The following ADAMTSL1 variants were observed in gnomAD, a reference collection of about 807,000 sequenced individuals.
The protein encoded by ADAMTSL1 is ADAMTS-like protein 1.
In ADAMTSL1, 126 loss-of-function variants were observed where a neutral mutation model predicts 201.8. The observed-to-expected ratio is 0.62, with a 90% CI of 0.54 to 0.72. ADAMTSL1 has a LOEUF of 0.72. Among genes scored for constraint, ADAMTSL1 ranks in the 30% least tolerant of loss-of-function variants. ADAMTSL1 has a pLI of 0.00. For synonymous variants in ADAMTSL1, 1,121 were observed against 903.4 expected, an observed-to-expected ratio of 1.24 and a Z score of -4.32; for missense variants, 2,679 against 2,277.8, an observed-to-expected ratio of 1.18 and a Z score of -3.59.
chr9:18,758,899 A>G (rs1021489060), intron 16 of ADAMTSL1, among the ~76,000 whole-genome samples: 2 of 152,170 alleles, frequency 1.3e-5, no homozygotes, highest in African/African-American at 4.8e-5. Context: ...GTCTTCCACT[A>G]CCCTTTTGCC....
At chr9:18,311,727 G>A (rs1834165320) in intron 2 of ADAMTSL1, among the ~76,000 whole-genome samples, 1 of 152,188 alleles carries the variant, frequency 6.6e-6, no homozygotes, top group Non-Finnish European at 1.5e-5. Flanking sequence ...TATTGACAAG[G>A]AGGCAGTCAG....
chr9:18,782,101 C>T (rs1304396374), intron 19 of ADAMTSL1, among the ~76,000 whole-genome samples: 1 of 152,138 alleles, frequency 6.6e-6, no homozygotes, highest in East Asian at 1.9e-4. Flanking sequence ...ATTCTGCAAA[C>T]AATCTCATGC....
In ADAMTSL1 at chr9:18,189,226, G is replaced by A. The variant is rs146021024; in HGVS notation, c.207+25245G>A. 2.4e-4 allele frequency among the ~76,000 whole-genome samples: 36 copies of A among 152,262 alleles called. No homozygotes were observed. In the East Asian group the frequency reaches 6.7e-3, roughly 29 times the overall value. On this transcript the variant is annotated intron_variant, in intron 2 of 29. Coordinates refer to the ADAMTSL1 transcript ENST00000680146. ...GGAGCTGGGGAGTGAGGGGATGCATGAGAACATTGTTCTAATTGAGATCGT... is the reference window on the plus strand; with the variant it reads ...GGAGCTGGGGAGTGAGGGGATGCATAAGAACATTGTTCTAATTGAGATCGT...
chr9:18,719,978 C>G lies in ADAMTSL1; in HGVS notation c.1877-1558C>G, dbSNP rs73435541. Among the ~76,000 whole-genome samples the G allele has an allele frequency of 7.7e-3, 1,171 of 152,304 alleles. 15 individuals are homozygous for G. The highest frequency in any genetic ancestry group is 0.027 in the African/African-American group (1,118 of 41,566). Reference sequence around the variant, plus strand: ...TGCTAATTACATGGATAGTCCCAGACTCTACTATAACTATATATAAATGTC... The same window carrying G: ...TGCTAATTACATGGATAGTCCCAGAGTCTACTATAACTATATATAAATGTC... On this transcript the variant is annotated intron_variant, in intron 14 of 28. Coordinates refer to ENST00000380548, the MANE Select transcript of ADAMTSL1 (RefSeq NM_001040272.6).
chr9:18,282,703 G>C (rs1300251326), intron 2 of ADAMTSL1, among the ~76,000 whole-genome samples: 1 of 152,172 alleles, frequency 6.6e-6, no homozygotes, highest in Non-Finnish European at 1.5e-5. Flanking sequence ...TTCAACACCA[G>C]CCTGACCAAC....
intron 22 of ADAMTSL1, among the ~76,000 whole-genome samples, chr9:18,827,363 C>G (rs1824643361): frequency 6.6e-6 from 1 of 151,932 alleles, no homozygotes; most frequent in Non-Finnish European, 1.5e-5. Context: ...AATATTTAAA[C>G]TTTACACTTC....
At chr9:18,151,910 C>G (rs535002843) in intron 1 of ADAMTSL1, among the ~76,000 whole-genome samples, 1 of 152,140 alleles carries the variant, frequency 6.6e-6, no homozygotes, top group Admixed American at 6.6e-5. Context: ...AATGTCCACA[C>G]ACTTTGTCAG....
Position 18,320,976 on chromosome 9 carries a change from A to G in ADAMTSL1, c.207+156995A>G, listed in dbSNP as rs1374492771. On this transcript the variant is annotated intron_variant, in intron 2 of 29. Transcript: ENST00000680146. ...ATAACAAAATAATAGATATAAATATAACTGTATTACTAATTATATTAAATA... is the reference window on the plus strand; with the variant it reads ...ATAACAAAATAATAGATATAAATATGACTGTATTACTAATTATATTAAATA... 2.0e-5 allele frequency among the ~76,000 whole-genome samples: 3 copies of G among 152,098 alleles called. No individual in the cohort carries two copies. The East Asian group carries it at 5.8e-4, about 29-fold the overall frequency.
At chr9:18,048,289 A>T (rs1412499600) in intron 1 of ADAMTSL1, among the ~76,000 whole-genome samples, 1 of 152,160 alleles carries the variant, frequency 6.6e-6, no homozygotes, top group Non-Finnish European at 1.5e-5. Flanking sequence ...TGTTTCCTTT[A>T]TATGAAATGC....
chr9:18,459,299 C>T (rs1264749651), intron 2 of ADAMTSL1, among the ~76,000 whole-genome samples: 5 of 152,014 alleles, frequency 3.3e-5, no homozygotes, highest in Admixed American at 6.6e-5. Context: ...ACCTCATAAA[C>T]AGTGTATCTT....
intron 2 of ADAMTSL1, among the ~76,000 whole-genome samples, chr9:18,373,691 G>A (rs968867173): frequency 6.6e-6 from 1 of 152,128 alleles, no homozygotes; most frequent in African/African-American, 2.4e-5. Context: ...ACACCAAAGA[G>A]TTTACTCAGC....
At chr9:18,224,094 A>C (rs1830357497) in intron 2 of ADAMTSL1, among the ~76,000 whole-genome samples, 1 of 152,150 alleles carries the variant, frequency 6.6e-6, no homozygotes, top group African/African-American at 2.4e-5. Flanking sequence ...CTTAGAAGCC[A>C]GAGATTTTTC....
chr9:18,402,808 A>G (rs954768377), intron 2 of ADAMTSL1, among the ~76,000 whole-genome samples: 2 of 152,196 alleles, frequency 1.3e-5, no homozygotes, highest in African/African-American at 4.8e-5. Context: ...AGGGACTTCT[A>G]GCATATACCC....
At chr9:18,786,124 C>A (rs1821693204) in intron 19 of ADAMTSL1, among the ~76,000 whole-genome samples, 1 of 152,180 alleles carries the variant, frequency 6.6e-6, no homozygotes, top group South Asian at 2.1e-4. Flanking sequence ...AAACTAGATG[C>A]TTGAAGAAAA....
chr9:18,713,735 T>A (rs1482103266), intron 14 of ADAMTSL1, among the ~76,000 whole-genome samples: 1 of 149,206 alleles, frequency 6.7e-6, no homozygotes, highest in African/African-American at 2.5e-5. Context: ...AACTCAGCTC[T>A]GCACCAAGCG....
At chr9:18,542,093 G>C (rs1261113307) in intron 3 of ADAMTSL1, among the ~76,000 whole-genome samples, 3 of 152,044 alleles carry the variant, frequency 2.0e-5, no homozygotes, top group Non-Finnish European at 4.4e-5. Context: ...AATAAGTTAG[G>C]GGGACTTTCA....
chr9:18,651,278 A>G (rs143550797), intron 7 of ADAMTSL1: 6 of 152,200 alleles, frequency 3.9e-5, no homozygotes, highest in Non-Finnish European at 7.3e-5. Flanking sequence ...TCTTTTCTGA[A>G]GCTGCAGACC....
At chr9:18,141,459 G>A (rs1021087113) in intron 1 of ADAMTSL1, among the ~76,000 whole-genome samples, 4 of 152,150 alleles carry the variant, frequency 2.6e-5, no homozygotes, top group African/African-American at 9.7e-5. Context: ...TCAAGATTCT[G>A]AGGTTAAAGC....
At chr9:18,708,588 T>A (rs1251839532) in intron 14 of ADAMTSL1, among the ~76,000 whole-genome samples, 1 of 152,228 alleles carries the variant, frequency 6.6e-6, no homozygotes, top group African/African-American at 2.4e-5. Flanking sequence ...AGAGATCAGG[T>A]AGAAAGGCTG....
Sources: allele counts gnomAD v4.1 joint callset (sites outside exome capture counted in the v4.1 genomes callset), GRCh38; gene constraint gnomAD v4.1.1; transcripts MANE v1.5; gene names NCBI Gene and HGNC (gene_info 2026-07-23, HGNC 2026-07-21).